The following DLG2 variants were observed in gnomAD, a reference collection of about 807,000 sequenced individuals.
DLG2 encodes disks large homolog 2.
Under a neutral mutation model 132.5 loss-of-function variants are expected in DLG2, and 45 were observed. The observed-to-expected ratio is 0.34, with a 90% CI of 0.27 to 0.44. The LOEUF is 0.44. Among genes scored for constraint, DLG2 ranks in the 20% least tolerant of loss-of-function variants. The pLI is 1.00. For missense variants in DLG2, 1,045 were observed against 1,196.9 expected (o/e 0.87, Z 1.87); for synonymous variants, 424 against 419.6 (o/e 1.01, Z -0.13).
At chr11:84,814,262 G>A (rs984397223) in intron 6 of DLG2, among the ~76,000 whole-genome samples, 12 of 152,044 alleles carry the variant, frequency 7.9e-5, no homozygotes, top group Admixed American at 7.9e-4. Context: ...CAGTGGATGA[G>A]CATACTAGTG....
At chr11:83,895,475 A>G (rs1185958941) in intron 15 of DLG2, among the ~76,000 whole-genome samples, 1 of 152,068 alleles carries the variant, frequency 6.6e-6, no homozygotes, top group Non-Finnish European at 1.5e-5. Flanking sequence ...TGTCTTTTTT[A>G]ACACAGTAGT....
rs111552290 is a variant in DLG2, at chr11:83,650,282, T to C, written c.1826-16957A>G. Among the ~76,000 whole-genome samples, 481 of 152,204 alleles carry C rather than the reference T, an allele frequency of 3.2e-3. 4 individuals are homozygous for C. The highest frequency in any genetic ancestry group is 0.011 in the African/African-American group (468 of 41,522). ...GATTTTCCTGGATTATATGAATGTG[T>C]CCTAAATATAATCACACAGGTCCAT... On this transcript the variant is annotated intron_variant, in intron 18 of 27. Transcript: ENST00000376104.
chr11:83,529,652 A>G (rs546651931), intron 21 of DLG2, among the ~76,000 whole-genome samples: 2 of 152,044 alleles, frequency 1.3e-5, no homozygotes, highest in South Asian at 2.1e-4. Context: ...CTATCAATCC[A>G]TTAGTCTACA....
At chr11:85,609,448 C>T (rs530685945) in intron 2 of DLG2, among the ~76,000 whole-genome samples, 1 of 152,266 alleles carries the variant, frequency 6.6e-6, no homozygotes, top group East Asian at 1.9e-4. Flanking sequence ...GGCCCTCAGA[C>T]AAACAAACTT....
At chr11:85,466,262 C>T (rs1163271215) in intron 3 of DLG2, among the ~76,000 whole-genome samples, 2 of 152,082 alleles carry the variant, frequency 1.3e-5, no homozygotes, top group African/African-American at 2.4e-5. Context: ...CTGTAGGTTG[C>T]CTGTTCACTC....
intron 6 of DLG2, among the ~76,000 whole-genome samples, chr11:84,678,333 A>G (rs1037251407): frequency 2.6e-5 from 4 of 152,100 alleles, no homozygotes; most frequent in African/African-American, 9.7e-5. Flanking sequence ...ACAGCAGTCC[A>G]TCTGTTTTCA....
intron 6 of DLG2, among the ~76,000 whole-genome samples, chr11:84,812,298 T>C (rs2076642584): frequency 1.3e-5 from 2 of 152,186 alleles, no homozygotes; most frequent in Non-Finnish European, 2.9e-5. Flanking sequence ...TAATTGAACT[T>C]TATAAACTCA....
intron 6 of DLG2, among the ~76,000 whole-genome samples, chr11:85,056,242 G>A (rs1044910222): frequency 6.6e-6 from 1 of 151,994 alleles, no homozygotes; most frequent in African/African-American, 2.4e-5. Flanking sequence ...TTTCTGTATA[G>A]ATGTTATCCT....
At chr11:84,866,108 G>C (rs1248709622) in intron 6 of DLG2, among the ~76,000 whole-genome samples, 1 of 152,212 alleles carries the variant, frequency 6.6e-6, no homozygotes, top group Non-Finnish European at 1.5e-5. Context: ...GGTTGTAAAT[G>C]ATAGAAGCCA....
chr11:84,762,309 A>G (rs998993740), intron 6 of DLG2: 2 of 152,180 alleles, frequency 1.3e-5, no homozygotes, highest in Non-Finnish European at 2.9e-5. Context: ...TTTTATCTTC[A>G]TGGTACTTTG....
At chr11:84,039,267 G>C (rs1479861182) in intron 11 of DLG2, among the ~76,000 whole-genome samples, 1 of 147,642 alleles carries the variant, frequency 6.8e-6, no homozygotes, top group Non-Finnish European at 1.5e-5. Flanking sequence ...TGTGCACATT[G>C]TGCAGGTTAG....
intron 14 of DLG2, among the ~76,000 whole-genome samples, chr11:83,937,005 C>T (rs902852571): frequency 6.6e-6 from 1 of 152,222 alleles, no homozygotes; most frequent in East Asian, 1.9e-4. Context: ...TCAATATGTC[C>T]TATACTAGTG....
At chr11:83,694,357 A>ATC (rs1454966232) in intron 18 of DLG2, among the ~76,000 whole-genome samples, 1 of 152,198 alleles carries the variant, frequency 6.6e-6, no homozygotes, top group African/African-American at 2.4e-5. Context: ...AATGAAACAG[A>ATC]TAAGAAAAGG....
intron 4 of DLG2, among the ~76,000 whole-genome samples, chr11:85,156,972 C>G (rs551152792): frequency 6.6e-6 from 1 of 152,096 alleles, no homozygotes; most frequent in South Asian, 2.1e-4. Flanking sequence ...AGGTTGTTGC[C>G]AAAAAGATTA....
intron 4 of DLG2, among the ~76,000 whole-genome samples, chr11:85,222,980 G>T (rs74658613): frequency 0.021 from 3,273 of 152,234 alleles, 61 homozygotes; most frequent in Admixed American, 0.038. Flanking sequence ...AGATTTCTCA[G>T]TGCTGGCACA....
chr11:84,966,172 GATCT>G (rs563229049), intron 6 of DLG2, among the ~76,000 whole-genome samples: 125 of 151,992 alleles, frequency 8.2e-4, no homozygotes, highest in African/African-American at 2.7e-3. Flanking sequence ...AATGGTAGTA[GATCT>G]ATCTATCTAT....
chr11:83,567,802 A>C (rs115969724), intron 19 of DLG2, among the ~76,000 whole-genome samples: 3,173 of 152,224 alleles, frequency 0.021, 117 homozygotes, highest in African/African-American at 0.073. Flanking sequence ...CACCTTGACA[A>C]ATGTAGAAAC....
chr11:84,220,432 C>T (rs1243588311), intron 8 of DLG2, among the ~76,000 whole-genome samples: 1 of 152,158 alleles, frequency 6.6e-6, no homozygotes, highest in African/African-American at 2.4e-5. Context: ...CACAGAATCA[C>T]AAATCACACA....
At position 83,992,448 on chromosome 11, in the gene DLG2, A is replaced by G. The variant is rs569463803; in HGVS notation, c.920-11806T>C. Among the ~76,000 whole-genome samples, 3 of 152,280 alleles carry G rather than the reference A, an allele frequency of 2.0e-5. No homozygotes were observed. In the East Asian group the frequency reaches 5.8e-4, roughly 29 times the overall value. On this transcript the variant is annotated intron_variant, in intron 11 of 27. Coordinates refer to ENST00000376104, the MANE Select transcript of DLG2 (RefSeq NM_001142699.3). Reference sequence around the variant, plus strand: ...TTATATGCAATCTGAGACCTGGAAGATAACAATGAACCAAGAAAATAAGGG... The same window carrying G: ...TTATATGCAATCTGAGACCTGGAAGGTAACAATGAACCAAGAAAATAAGGG...
Sources: gnomAD v4.1 joint callset for allele counts (sites outside exome capture counted in the v4.1 genomes callset) on GRCh38, gnomAD v4.1.1 for gene constraint, MANE v1.5 for transcripts, NCBI Gene and HGNC (gene_info 2026-07-23, HGNC 2026-07-21) for gene names.